Variants in HSD17B4 observed in about 807,000 individuals in gnomAD.
The protein encoded by HSD17B4 is peroxisomal multifunctional enzyme type 2.
A neutral mutation model predicts 101.0 loss-of-function variants in HSD17B4; 70 were observed. The observed-to-expected ratio is 0.69, with a 90% CI of 0.57 to 0.85. The LOEUF is 0.85. Ranked by LOEUF, HSD17B4 falls within the 40% of genes least tolerant of loss-of-function variation. The pLI is 0.00. For synonymous variants in HSD17B4, 347 were observed against 297.1 expected, an observed-to-expected ratio of 1.17 and a Z score of -1.73; for missense variants, 984 against 892.4, an observed-to-expected ratio of 1.10 and a Z score of -1.31.
rs531739029 is a variant in HSD17B4, at chr5:119,514,906, A to G, written c.1438-75A>G. 29 of 859,400 alleles carry G rather than the reference A, an allele frequency of 3.4e-5. 1 individual carries two copies. Among genetic ancestry groups the G allele is most frequent in the Non-Finnish European group, 5.9e-5 (29 of 492,828 alleles). 53.2% of individuals were successfully genotyped at this position (859,400 alleles called of 1,614,324 possible). On this transcript the variant is annotated intron_variant, in intron 16 of 23. Transcript: ENST00000510025. The stretch of plus-strand genomic sequence containing the variant: ...TTATTGTATTGAAACATGATTGTGT[A>G]TCAAATGTGAGTTTGGTTAAAGAGA...
intron 9 of HSD17B4, among the ~76,000 whole-genome samples, chr5:119,490,024 A>ACCC (rs3839243): frequency 3.4e-5 from 5 of 148,478 alleles, no homozygotes; most frequent in South Asian, 2.1e-4. Context: ...TGTATATTAG[A>ACCC]CCCCCCCCCA....
At chr5:119,507,541 T>G (rs1459398797) in intron 15 of HSD17B4, among the ~76,000 whole-genome samples, 1 of 152,052 alleles carries the variant, frequency 6.6e-6, no homozygotes, top group Non-Finnish European at 1.5e-5. Flanking sequence ...CCTAGCACTT[T>G]GGGAGGCTGA....
At chr5:119,499,995 G>A (rs1414283887) in intron 13 of HSD17B4, among the ~76,000 whole-genome samples, 3 of 152,178 alleles carry the variant, frequency 2.0e-5, no homozygotes, top group African/African-American at 7.2e-5. Flanking sequence ...CAGCATAGCT[G>A]TAGAGTGAGC....
intron 17 of HSD17B4, 25 bp downstream of exon 17, chr5:119,515,071 A>T: frequency 1.5e-6 from 2 of 1,333,828 alleles, no homozygotes; most frequent in Non-Finnish European, 2.2e-6. Flanking sequence ...TTGAAAAATG[A>T]TAAATCCACC....
At chr5:119,522,156 A>T (rs1047354198) in intron 17 of HSD17B4, among the ~76,000 whole-genome samples, 1 of 151,892 alleles carries the variant, frequency 6.6e-6, no homozygotes, top group African/African-American at 2.4e-5. Flanking sequence ...TCATTATTCA[A>T]TTCCCACGTA....
chr5:119,503,363 T>G (rs1445112596), intron 14 of HSD17B4, among the ~76,000 whole-genome samples: 2 of 152,142 alleles, frequency 1.3e-5, no homozygotes, highest in Non-Finnish European at 2.9e-5. Flanking sequence ...AGAATAACTT[T>G]TTCATTTTTT....
chr5:119,483,278 A>G (rs1051549106), intron 8 of HSD17B4, among the ~76,000 whole-genome samples: 1 of 152,158 alleles, frequency 6.6e-6, no homozygotes, highest in Non-Finnish European at 1.5e-5. Context: ...GGGGGCTTCT[A>G]TCTCAGTAAG....
At chr5:119,522,587 T>C (rs1405824408) in intron 17 of HSD17B4, among the ~76,000 whole-genome samples, 3 of 152,190 alleles carry the variant, frequency 2.0e-5, no homozygotes, top group African/African-American at 7.2e-5. Flanking sequence ...GTTTCCAAGA[T>C]TCTTAGTTCA....
chr5:119,510,232 A>G (rs1022448159), intron 16 of HSD17B4, among the ~76,000 whole-genome samples: 4 of 152,112 alleles, frequency 2.6e-5, no homozygotes, highest in Non-Finnish European at 4.4e-5. Flanking sequence ...AATATTTGTT[A>G]TTTTCTTGTA....
At chr5:119,529,555 C>G (rs1261499240) in intron 20 of HSD17B4, among the ~76,000 whole-genome samples, 1 of 151,998 alleles carries the variant, frequency 6.6e-6, no homozygotes, top group Non-Finnish European at 1.5e-5. Flanking sequence ...TCCCCACTTC[C>G]CCCCCAAAAA....
Position 119,473,821 on chromosome 5 carries a change from A to C in HSD17B4, c.113-87A>C, listed in dbSNP as rs974639078. The C allele has an allele frequency of 3.7e-6, 3 of 806,330 alleles. No homozygotes were observed. The African/African-American group carries it at 5.1e-5, about 14-fold the overall frequency. 49.9% of individuals were successfully genotyped at this position (806,330 alleles called of 1,614,324 possible). Reference sequence around the variant, plus strand: ...CAGATGACTGAAGAGATGTGCTAGTAATTAGAATTTCATTTTCCACACACA... The same window carrying C: ...CAGATGACTGAAGAGATGTGCTAGTCATTAGAATTTCATTTTCCACACACA... On this transcript the variant is annotated intron_variant, in intron 2 of 23. Coordinates refer to ENST00000510025, the MANE Select transcript of HSD17B4 (RefSeq NM_000414.4).
At chr5:119,522,142 G>A (rs1323939585) in intron 17 of HSD17B4, among the ~76,000 whole-genome samples, 1 of 151,480 alleles carries the variant, frequency 6.6e-6, no homozygotes, top group Non-Finnish European at 1.5e-5. Flanking sequence ...GTGTCCAAGT[G>A]TTCTCATTAT....
At chr5:119,471,531 A>T (rs577121550) in intron 2 of HSD17B4, 2 of 447,494 alleles carry the variant, frequency 4.5e-6, no homozygotes, top group Admixed American at 4.3e-5. Flanking sequence ...GTTTTTCAGA[A>T]GAAAAAAAAA....
intron 2 of HSD17B4, among the ~76,000 whole-genome samples, chr5:119,462,679 A>C (rs573914448): frequency 6.6e-6 from 1 of 152,102 alleles, no homozygotes; most frequent in African/African-American, 2.4e-5. Context: ...TGTTCTTTCT[A>C]TATCTAAGCT....
chr5:119,474,416 G>C lies in HSD17B4; in HGVS notation c.236G>C (p.Gly79Ala). The C allele has an allele frequency of 6.2e-7, 1 of 1,609,792 alleles. No homozygotes were observed. Among genetic ancestry groups the C allele is most frequent in the East Asian group, 2.2e-5 (1 of 44,788 alleles). The change falls in exon 4 of 24, where the codon GGA becomes GCA. Residue 79 changes from glycine (G) to alanine (A), a missense_variant. Transcript: ENST00000510025. ...AVANYDSVEE[G>A]EKVVKTALDA... is the part of the protein sequence containing the mutation. ...TTTCCCTCAGATTCAGTGGAAGAAG[G>C]AGAGAAGGTTGTGAAGACAGCCCTG... is the stretch of plus-strand genomic sequence containing the variant.
chr5:119,514,797 A>G (rs1050307429), intron 16 of HSD17B4, among the ~76,000 whole-genome samples, 184 bp from the exon 17 acceptor site: 3 of 152,300 alleles, frequency 2.0e-5, no homozygotes, highest in Admixed American at 6.5e-5. Flanking sequence ...CATAGAGTAG[A>G]TGAAGCTAGG....
rs572579418 is a variant in HSD17B4 at position 119,497,956 on chromosome 5, C to A, written c.972+1310C>A. ...ATCTAGTTTAGTGCTCTTTTGGGTC[C>A]GTTTCTTTTAAGGGAAGCATCGATA... On this transcript the variant is annotated intron_variant, in intron 12 of 23. Transcript: ENST00000510025. Among the ~76,000 whole-genome samples the A allele has an allele frequency of 6.6e-5, 10 of 152,004 alleles. No homozygotes were observed. In the East Asian group the frequency reaches 1.9e-3, roughly 29 times the overall value.
rs1204129390 is a variant in HSD17B4 at position 119,531,343 on chromosome 5, G to C, written c.1932G>C (p.Lys644Asn). Residue 644 changes from lysine to asparagine, a missense_variant, in exon 22 of 24, where the codon AAG (lysine) becomes AAC (asparagine). By Grantham distance (94) the Lys-to-Asn change is moderately conservative. Coordinates refer to ENST00000510025, the MANE Select transcript of HSD17B4 (RefSeq NM_000414.4). Reference protein sequence around the residue: ...RLKDIGPEVVKKVNAVFEWHI... With the variant: ...RLKDIGPEVVNKVNAVFEWHI... ...AGGATATTGGGCCTGAGGTGGTGAAGAAAGTAAATGCTGTATTTGAGTGGC... is the reference window on the plus strand; with the variant it reads ...AGGATATTGGGCCTGAGGTGGTGAACAAAGTAAATGCTGTATTTGAGTGGC... 1 of 1,613,548 alleles carries C rather than the reference G, an allele frequency of 6.2e-7. No individual in the cohort carries two copies. Among genetic ancestry groups the C allele is most frequent in the Admixed American group, 1.7e-5 (1 of 59,920 alleles).
Position 119,541,949 on chromosome 5 carries a change from G to A in HSD17B4, c.2166G>A (p.Leu722=), listed in dbSNP as rs1358049043. 1 of 1,613,090 alleles carries A rather than the reference G, an allele frequency of 6.2e-7. No individual in the cohort carries two copies. The highest frequency in any genetic ancestry group is 8.5e-7 in the Non-Finnish European group (1 of 1,179,494). The change falls in exon 24 of 24, where the codon CTG becomes CTA. Residue 722 remains leucine, a synonymous_variant. Transcript: ENST00000510025. ...GRLKARGNIM[L]SQKLQMILKD... ...TGAAGGCCAGAGGGAACATCATGCT[G>A]AGCCAGAAACTTCAGATGATTCTTA... is the stretch of plus-strand genomic sequence containing the variant.
Sources: allele counts gnomAD v4.1 joint callset (sites outside exome capture counted in the v4.1 genomes callset), GRCh38; gene constraint gnomAD v4.1.1; transcripts MANE v1.5; gene names NCBI Gene and HGNC (gene_info 2026-07-23, HGNC 2026-07-21).